TERT: variants seen among roughly 807,000 people sequenced by gnomAD.
TERT encodes telomerase catalytic subunit.
In TERT, 42 loss-of-function variants were observed where a neutral mutation model predicts 104.0. The observed-to-expected ratio is 0.40, with a 90% CI of 0.32 to 0.52. TERT has a LOEUF of 0.52. Among genes scored for constraint, TERT ranks in the 20% least tolerant of loss-of-function variants. TERT has a pLI of 0.43. For synonymous variants in TERT, 781 were observed against 725.6 expected (o/e 1.08, Z -1.23); for missense variants, 1,101 against 1,610.3 (o/e 0.68, Z 5.41).
chr5:1,278,688 C>T lies in TERT; in HGVS notation c.2239G>A (p.Val747Ile), dbSNP rs1554040888. Residue 747 changes from valine to isoleucine, a missense_variant, in exon 6 of 16, where the codon GTC (valine) becomes ATC (isoleucine). Transcript: ENST00000310581. Reference protein sequence around the residue: ...NTYCVRRYAVVQKAAHGHVRK... With the variant: ...NTYCVRRYAVIQKAAHGHVRK... ...ACGTGCCCATGGGCGGCCTTCTGGA[C>T]CACGGCATACCGACGCACGCAGTAC... 2.5e-6 allele frequency: 4 copies of T among 1,614,166 alleles called. No individual in the cohort carries two copies. Among genetic ancestry groups the T allele is most frequent in the Non-Finnish European group, 3.4e-6 (4 of 1,180,050 alleles).
At position 1,287,038 on chromosome 5, in the gene TERT, G is replaced by A. The variant is rs1252278883; in HGVS notation, c.1574-4414C>T. Reference sequence around the variant, plus strand: ...AAGAGGTGGTGAGAAACAAGGGAACGAGGACATGCAACAGGCAAGTGGAGA... The same window carrying A: ...AAGAGGTGGTGAGAAACAAGGGAACAAGGACATGCAACAGGCAAGTGGAGA... On this transcript the variant is annotated intron_variant, in intron 2 of 15. Transcript: ENST00000310581. The surrounding 1 kb of genome is among the most constrained non-coding windows in gnomAD (Gnocchi z 4.3). Among the ~76,000 whole-genome samples, 2 of 152,278 alleles carry A rather than the reference G, an allele frequency of 1.3e-5. No homozygotes were observed. The highest frequency in any genetic ancestry group is 1.9e-4 in the East Asian group (1 of 5,182).
At chr5:1,293,208 G>T in intron 2 of TERT, 105 bp downstream of exon 2, 1 of 1,441,782 alleles carries the variant, frequency 6.9e-7, no homozygotes. Context: ...GTGTGCCCAC[G>T]TGACGATGGA....
Position 1,265,173 on chromosome 5 carries a change from C to G in TERT, c.2655-581G>C, listed in dbSNP as rs1488256403. On this transcript the variant is annotated intron_variant, in intron 10 of 15. Coordinates refer to ENST00000310581, the MANE Select transcript of TERT (RefSeq NM_198253.3). The surrounding 1 kb of genome is among the most constrained non-coding windows in gnomAD (Gnocchi z 6.9). ...TTCCCTCGCCGAGTCATGAGCCTCG[C>G]TCACCCAGCTCAGGGAGCCCCCCTG... Among the ~76,000 whole-genome samples, 6 of 152,322 alleles carry G rather than the reference C, an allele frequency of 3.9e-5. No homozygotes were observed. The highest frequency in any genetic ancestry group is 1.9e-4 in the East Asian group (1 of 5,172).
At position 1,293,493 on chromosome 5, in the gene TERT, C is replaced by G. The variant is rs758110675; in HGVS notation, c.1393G>C (p.Val465Leu). ...ACCAGCCGGCGCAGGCAGGCCCGCA[C>G]GAAGCCGTACACCTGCCAGGGGCTG... ...HSSPWQVYGF[V>L]RACLRRLVPP... Residue 465 changes from valine (V) to leucine (L), a missense_variant, in exon 2 of 16, where the codon GTG becomes CTG. Physicochemically the swap from Val to Leu is conservative, Grantham distance 32 (BLOSUM62 1). Coordinates refer to ENST00000310581, the MANE Select transcript of TERT (RefSeq NM_198253.3). The G allele has an allele frequency of 1.6e-5, 25 of 1,587,516 alleles. No homozygotes were observed. In the East Asian group the frequency reaches 4.1e-4, roughly 26 times the overall value.
rs556309418 is a variant in TERT at position 1,287,597 on chromosome 5, A to T, written c.1574-4973T>A. On this transcript the variant is annotated intron_variant, in intron 2 of 15. Transcript: ENST00000310581. This position sits in a 1 kb window ranked among gnomAD's most constrained non-coding sequence, Gnocchi z 4.3. ...AGAAGCCCAGTGTGGCAGTACTAAG[A>T]GCAATTTAAAAAAAGAATTACTAGA... is the stretch of plus-strand genomic sequence containing the variant. Among the ~76,000 whole-genome samples, 1 of 152,028 alleles carries T rather than the reference A, an allele frequency of 6.6e-6. No individual in the cohort carries two copies. The highest frequency in any genetic ancestry group is 2.4e-5 in the African/African-American group (1 of 41,474).
rs1747483411 is a variant in TERT at position 1,253,549 on chromosome 5, CTCAGCCGGACACTCAGCCT to C, written c.*160_*178del. 1 of 639,596 alleles carries C rather than the reference CTCAGCCGGACACTCAGCCT, an allele frequency of 1.6e-6. No homozygotes were observed. Among genetic ancestry groups the C allele is most frequent in the Admixed American group, 2.3e-5 (1 of 42,672 alleles). 39.6% of individuals were successfully genotyped at this position (639,596 alleles called of 1,614,324 possible). On this transcript the variant is annotated 3_prime_UTR_variant, in exon 16 of 16. Transcript: ENST00000310581. ...CCCTTGGCTGGACACTCGCTCAGGC[CTCAGCCGGACACTCAGCCT>C]TCAGCCGGACATGCAGGCCTCGGCC...
At chr5:1,289,122 G>A (rs1458686777) in intron 2 of TERT, among the ~76,000 whole-genome samples, 1 of 151,780 alleles carries the variant, frequency 6.6e-6, no homozygotes, top group Non-Finnish European at 1.5e-5. Flanking sequence ...GGACACCCAG[G>A]GACAGCGCCT....
chr5:1,294,200 C>A lies in TERT; in HGVS notation c.686G>T (p.Ser229Ile). Reference sequence around the variant, plus strand: ...CCTCTTGGGCAACGGCAGACTTCGGCTGGCACTGCCCCCGCGCCTCCTCGC... The same window carrying A: ...CCTCTTGGGCAACGGCAGACTTCGGATGGCACTGCCCCCGCGCCTCCTCGC... Reference protein sequence around the residue: ...PGARRRGGSASRSLPLPKRPR... With the variant: ...PGARRRGGSAIRSLPLPKRPR... Residue 229 changes from serine to isoleucine, a missense_variant, in exon 2 of 16, where the codon AGC becomes ATC. Around this residue, in one of 5 missense-constraint regions of TERT, gnomAD observed 504 missense variants for 544.6 expected, o/e 0.93. Transcript: ENST00000310581. 6.3e-7 allele frequency: 1 copy of A among 1,581,322 alleles called. No homozygotes were observed. The highest frequency in any genetic ancestry group is 8.6e-7 in the Non-Finnish European group (1 of 1,168,558).
rs2126687153 is a variant in TERT at position 1,293,995 on chromosome 5, T to C, written c.891A>G (p.Pro297=). 3.2e-6 allele frequency: 5 copies of C among 1,576,478 alleles called. No individual in the cohort carries two copies. Among genetic ancestry groups the C allele is most frequent in the Non-Finnish European group, 4.3e-6 (5 of 1,164,386 alleles). ...CCGCGTGGTGCTGGCGGCCCACGGA[T>C]GGGTGGGAGTGGCGCGTGCCAGAGA... The part of the protein sequence containing the change: ...GALSGTRHSH[P]SVGRQHHAGP... Residue 297 remains proline, a synonymous_variant, in exon 2 of 16, where the codon CCA becomes CCG. Coordinates refer to ENST00000310581, the MANE Select transcript of TERT (RefSeq NM_198253.3).
In TERT at chr5:1,280,017, C is replaced by T. The variant is rs141797669; in HGVS notation, c.1950+141G>A. ...CCGGCACCTCGGCCACCTCACTGTGCGCACAAATGGGTTGGCGCCGTGCCA... is the reference window on the plus strand; with the variant it reads ...CCGGCACCTCGGCCACCTCACTGTGTGCACAAATGGGTTGGCGCCGTGCCA... On this transcript the variant is annotated intron_variant, in intron 4 of 15. Coordinates refer to ENST00000310581, the MANE Select transcript of TERT (RefSeq NM_198253.3). 684 of 1,137,340 alleles carry T rather than the reference C, an allele frequency of 6.0e-4. 5 individuals carry two copies. The East Asian group carries it at 9.4e-3, about 16-fold the overall frequency. 70.5% of individuals were successfully genotyped at this position (1,137,340 alleles called of 1,614,324 possible). A position where few individuals can be genotyped will look rare whatever the true frequency, so the allele number is the denominator to read the frequency against.
chr5:1,261,080 G>A lies in TERT; in HGVS notation c.2844-480C>T, dbSNP rs540100212. 2.6e-5 allele frequency among the ~76,000 whole-genome samples: 4 copies of A among 152,294 alleles called. No homozygotes were observed. Among genetic ancestry groups the A allele is most frequent in the South Asian group, 4.1e-4 (2 of 4,826 alleles). Reference sequence around the variant, plus strand: ...CTAAACAGGGCTCCAGTGAGTGCACGTGGCACACATGGTGTCTCCAGAGGG... The same window carrying A: ...CTAAACAGGGCTCCAGTGAGTGCACATGGCACACATGGTGTCTCCAGAGGG... On this transcript the variant is annotated intron_variant, in intron 11 of 15. Transcript: ENST00000310581. The surrounding 1 kb of genome is among the most constrained non-coding windows in gnomAD (Gnocchi z 7.4).
rs1446982123 is a variant in TERT at position 1,293,773 on chromosome 5, C to T, written c.1113G>A (p.Trp371Ter). The T allele has an allele frequency of 6.4e-7, 1 of 1,554,408 alleles. No homozygotes were observed. Among genetic ancestry groups the T allele is most frequent in the Non-Finnish European group, 8.7e-7 (1 of 1,149,144 alleles). Residue 371 changes from tryptophan to a stop codon, truncating the protein, a stop_gained, in exon 2 of 16, where the codon TGG becomes TGA. Coordinates refer to ENST00000310581, the MANE Select transcript of TERT (RefSeq NM_198253.3). LOFTEE classifies it high-confidence loss of function. ...VETIFLGSRP[W>*]MPGTPRRLPR... is the part of the protein sequence containing the mutation. ...GCAACCTGCGGGGAGTCCCTGGCAT[C>T]CAGGGCCTGGAACCCAGAAAGATGG...
At chr5:1,266,568 C>A in intron 9 of TERT, 33 bp from the exon 10 acceptor site, 1 of 1,548,256 alleles carries the variant, frequency 6.5e-7, no homozygotes, top group African/African-American at 1.4e-5. Context: ...GCAAGGTTAA[C>A]TTTACACTTT....
intron 3 of TERT, among the ~76,000 whole-genome samples, chr5:1,281,306 G>T (rs540971962): frequency 6.6e-6 from 1 of 152,324 alleles, no homozygotes; most frequent in African/African-American, 2.4e-5. Context: ...CCACGTCGGG[G>T]TCCCCAGCCC....
At chr5:1,285,383 C>T (rs1249299215) in intron 2 of TERT, among the ~76,000 whole-genome samples, 3 of 152,122 alleles carry the variant, frequency 2.0e-5, no homozygotes, top group Non-Finnish European at 2.9e-5. Flanking sequence ...GAGATGGCCA[C>T]GCACGGGACC....
chr5:1,294,268 G>T lies in TERT; in HGVS notation c.618C>A (p.Ser206Arg), dbSNP rs759142412. The T allele has an allele frequency of 3.8e-6, 6 of 1,593,232 alleles. No homozygotes were observed. Among genetic ancestry groups the T allele is most frequent in the Middle Eastern group, 3.3e-4 (2 of 6,022 alleles). The change falls in exon 2 of 16, where the codon AGC (serine) becomes AGA (arginine). Residue 206 changes from serine to arginine, a missense_variant. By Grantham distance (110) the Ser-to-Arg change is moderately radical (BLOSUM62 -1). Transcript: ENST00000310581. ...RLGCERAWNH[S>R]VREAGVPLGL... Reference sequence around the variant, plus strand: ...CCAGGGGGACCCCGGCCTCCCTGACGCTATGGTTCCAGGCCCGTTCGCATC... The same window carrying T: ...CCAGGGGGACCCCGGCCTCCCTGACTCTATGGTTCCAGGCCCGTTCGCATC...
intron 11 of TERT, 37 bp downstream of exon 11, chr5:1,264,367 C>G: frequency 6.3e-7 from 1 of 1,584,808 alleles, no homozygotes; most frequent in Non-Finnish European, 8.6e-7. Flanking sequence ...CCTGCCCCAG[C>G]CGGGCACAGG....
At chr5:1,264,261 G>A in intron 11 of TERT, 143 bp downstream of exon 11, 1 of 819,988 alleles carries the variant, frequency 1.2e-6, no homozygotes, top group South Asian at 1.5e-5. Flanking sequence ...AGCCCCAGAT[G>A]GGACGAGGGG....
chr5:1,281,121 G>GT (rs1749994570), intron 3 of TERT, among the ~76,000 whole-genome samples: 1 of 152,194 alleles, frequency 6.6e-6, no homozygotes, highest in South Asian at 2.1e-4. Flanking sequence ...CACCACGTCT[G>GT]TCTGCTCCTT....
Sources: allele counts gnomAD v4.1 joint callset (sites outside exome capture counted in the v4.1 genomes callset), GRCh38; gene constraint gnomAD v4.1.1; regional missense constraint gnomAD v4.1.1; non-coding constraint Gnocchi (gnomAD v3.1); transcripts MANE v1.5; gene names NCBI Gene and HGNC (gene_info 2026-07-23, HGNC 2026-07-21).